Variants in MALRD1 observed in about 807,000 individuals in gnomAD.
MALRD1 encodes MAM and LDL receptor class A domain containing 1.
Under a neutral mutation model 242.1 loss-of-function variants are expected in MALRD1, and 247 were observed. That is an observed-to-expected ratio of 1.02 (90% CI 0.92 to 1.13). The LOEUF (loss-of-function observed/expected upper bound fraction) is 1.13. MALRD1 is among the 50% of genes most tolerant of loss of function. MALRD1 has a pLI of 0.00. For synonymous variants in MALRD1, 995 were observed against 866.6 expected (o/e 1.15, Z -2.60); for missense variants, 2,989 against 2,533.1 (o/e 1.18, Z -3.86).
At position 19,583,700 on chromosome 10, in the gene MALRD1, C is replaced by T. The variant is rs1323572500; in HGVS notation, c.5681-11494C>T. The stretch of plus-strand genomic sequence containing the variant: ...CTAAAATTCTCTTTTTTGGTTGTGT[C>T]TCTGCCCGGCTTTGGTATCAGGATG... On this transcript the variant is annotated intron_variant, in intron 33 of 39. Coordinates refer to ENST00000454679, the MANE Select transcript of MALRD1 (RefSeq NM_001142308.3). 3.9e-5 allele frequency among the ~76,000 whole-genome samples: 6 copies of T among 151,942 alleles called. No individual in the cohort carries two copies. In the South Asian group the frequency reaches 1.0e-3, roughly 26 times the overall value.
intron 33 of MALRD1, among the ~76,000 whole-genome samples, chr10:19,594,072 G>A (rs1388536004): frequency 6.6e-6 from 1 of 152,136 alleles, no homozygotes; most frequent in Non-Finnish European, 1.5e-5. Flanking sequence ...CTGGGTGGAG[G>A]CCACTAAGAG....
intron 33 of MALRD1, among the ~76,000 whole-genome samples, chr10:19,585,456 A>C (rs1412672578): frequency 6.6e-6 from 1 of 152,060 alleles, no homozygotes; most frequent in Non-Finnish European, 1.5e-5. Context: ...GCTTGTCTGT[A>C]AAGTATTTTA....
chr10:19,597,692 C>CTA, intron 34 of MALRD1, among the ~76,000 whole-genome samples: 1 of 152,094 alleles, frequency 6.6e-6, no homozygotes, highest in East Asian at 1.9e-4. Flanking sequence ...TGAAGATGTG[C>CTA]TATACATTAG....
At chr10:19,307,329 C>T (rs1842258062) in intron 21 of MALRD1, among the ~76,000 whole-genome samples, 1 of 151,492 alleles carries the variant, frequency 6.6e-6, no homozygotes, top group Non-Finnish European at 1.5e-5. Flanking sequence ...ACTGCCTTAT[C>T]TGTACCATAT....
At chr10:19,531,125 G>T (rs1834394897) in intron 31 of MALRD1, 69 bp from the exon 32 acceptor site, 2 of 1,322,774 alleles carry the variant, frequency 1.5e-6, no homozygotes, top group Admixed American at 2.3e-5. Context: ...TCTGTTAATA[G>T]TTTAAACACA....
At chr10:19,393,747 G>A (rs143454368) in intron 28 of MALRD1, among the ~76,000 whole-genome samples, 71 of 151,858 alleles carry the variant, frequency 4.7e-4, no homozygotes, top group East Asian at 1.9e-3. Flanking sequence ...GAGCCACCGC[G>A]CCCGGCCCTG....
chr10:19,495,842 A>C (rs1589156429), intron 30 of MALRD1, among the ~76,000 whole-genome samples: 1 of 152,354 alleles, frequency 6.6e-6, no homozygotes, highest in East Asian at 1.9e-4. Context: ...TCTCACACTC[A>C]GTGACACCCG....
intron 1 of MALRD1, among the ~76,000 whole-genome samples, chr10:19,061,045 A>C (rs1590373037): frequency 6.6e-6 from 1 of 152,138 alleles, no homozygotes; most frequent in Non-Finnish European, 1.5e-5. Flanking sequence ...ACATGTTCTC[A>C]CTTATAAGTG....
chr10:19,551,695 GCTTTT>G (rs1835477329), intron 32 of MALRD1, among the ~76,000 whole-genome samples: 1 of 152,068 alleles, frequency 6.6e-6, no homozygotes, highest in Non-Finnish European at 1.5e-5. Context: ...AATGCTTCTA[GCTTTT>G]GCCCATTGAG....
chr10:19,112,303 C>T (rs1325236776), intron 5 of MALRD1, among the ~76,000 whole-genome samples: 1 of 151,750 alleles, frequency 6.6e-6, no homozygotes, highest in Non-Finnish European at 1.5e-5. Flanking sequence ...TCATGCAATC[C>T]TGGTGGTGGT....
chr10:19,617,591 T>G (rs1163156480), intron 36 of MALRD1, among the ~76,000 whole-genome samples: 1 of 152,026 alleles, frequency 6.6e-6, no homozygotes, highest in Non-Finnish European at 1.5e-5. Context: ...TGGGTTGTCA[T>G]GAGTCTTTTT....
At chr10:19,272,003 A>G (rs571921923) in intron 19 of MALRD1, among the ~76,000 whole-genome samples, 2 of 152,264 alleles carry the variant, frequency 1.3e-5, no homozygotes, top group South Asian at 4.1e-4. Context: ...TGTAATAAAA[A>G]TTTATACATT....
chr10:19,352,263 C>T lies in MALRD1; in HGVS notation c.4407C>T (p.Ser1469=). ...AAAATTGTCTATCACTCCATGATTC[C>T]GTGCAAGAAGAACTGGCAGTGCCTC... ...LTENCLSLHD[S]VQEELAVPLP... Residue 1469 remains serine (S), a synonymous_variant, in exon 26 of 40, where the codon TCC becomes TCT. Coordinates refer to ENST00000454679, the MANE Select transcript of MALRD1 (RefSeq NM_001142308.3). 2 of 1,550,130 alleles carry T rather than the reference C, an allele frequency of 1.3e-6. No homozygotes were observed. The highest frequency in any genetic ancestry group is 8.7e-7 in the Non-Finnish European group (1 of 1,146,798).
intron 36 of MALRD1, among the ~76,000 whole-genome samples, chr10:19,660,226 A>G (rs1841364412): frequency 6.6e-6 from 1 of 152,158 alleles, no homozygotes; most frequent in Admixed American, 6.6e-5. Context: ...AATCTGCCAG[A>G]TTTATGATTT....
At chr10:19,498,866 T>C (rs906418061) in intron 31 of MALRD1, among the ~76,000 whole-genome samples, 1 of 152,172 alleles carries the variant, frequency 6.6e-6, no homozygotes, top group Non-Finnish European at 1.5e-5. Flanking sequence ...ACTCATATTT[T>C]AAGAGACTCA....
At chr10:19,263,840 T>G (rs1199037684) in intron 19 of MALRD1, among the ~76,000 whole-genome samples, 3 of 152,196 alleles carry the variant, frequency 2.0e-5, no homozygotes, top group Non-Finnish European at 4.4e-5. Context: ...ACTACAGCAT[T>G]GTAATATAAT....
At chr10:19,272,926 T>C (rs1840328039) in intron 19 of MALRD1, among the ~76,000 whole-genome samples, 1 of 152,222 alleles carries the variant, frequency 6.6e-6, no homozygotes, top group South Asian at 2.1e-4. Flanking sequence ...TTATCCAGTC[T>C]ATCATTGATG....
intron 27 of MALRD1, 38 bp from the exon 28 acceptor site, chr10:19,389,414 T>C (rs1028433514): frequency 1.3e-6 from 2 of 1,540,344 alleles, no homozygotes; most frequent in Admixed American, 2.0e-5. Context: ...CCCATCATTG[T>C]TATTTCGTTC....
chr10:19,644,225 G>C (rs1840545031), intron 36 of MALRD1, among the ~76,000 whole-genome samples: 1 of 152,142 alleles, frequency 6.6e-6, no homozygotes, highest in African/African-American at 2.4e-5. Context: ...ATGTTAAGAA[G>C]GGAGAAGATT....
Sources: gnomAD v4.1 joint callset for allele counts (sites outside exome capture counted in the v4.1 genomes callset) on GRCh38, gnomAD v4.1.1 for gene constraint, MANE v1.5 for transcripts, NCBI Gene and HGNC (gene_info 2026-07-23, HGNC 2026-07-21) for gene names.